The following SEMA4A variants were observed in gnomAD, a reference collection of about 807,000 sequenced individuals.
The protein encoded by SEMA4A is semaphorin-4A.
SEMA4A carries 52 observed loss-of-function variants against 72.5 expected under a neutral mutation model. The observed-to-expected ratio is 0.72, with a 90% confidence interval of 0.57 to 0.90. The LOEUF (loss-of-function observed/expected upper bound fraction) is 0.90, where lower values mean the gene tolerates loss of function less well. Among genes scored for constraint, SEMA4A ranks in the 40% least tolerant of loss-of-function variants. SEMA4A has a pLI of 0.00. For synonymous variants in SEMA4A, 369 were observed against 393.1 expected, an observed-to-expected ratio of 0.94 and a Z score of 0.73; for missense variants, 926 against 959.7, an observed-to-expected ratio of 0.96 and a Z score of 0.46.
intron 13 of SEMA4A, 117 bp from the exon 14 acceptor site, chr1:156,175,439 T>C: frequency 9.0e-7 from 1 of 1,106,486 alleles, no homozygotes. Context: ...CGTTCCTCTC[T>C]CTGTTCCTAG....
In SEMA4A at chr1:156,175,572, G is replaced by A. The variant is rs772930109; in HGVS notation, c.1609G>A (p.Asp537Asn). The change falls in exon 14 of 15, where the codon GAC becomes AAC. Residue 537 changes from aspartate to asparagine, a missense_variant. Coordinates refer to ENST00000368285, the MANE Select transcript of SEMA4A (RefSeq NM_022367.4). ...SAPNLNSWKQ[D>N]MERGNPEWAC... ...CTCTCTTAGGAACTCCTGGAAGCAGGACATGGAGCGGGGGAACCCAGAGTG... is the reference window on the plus strand; with the variant it reads ...CTCTCTTAGGAACTCCTGGAAGCAGAACATGGAGCGGGGGAACCCAGAGTG... The A allele has an allele frequency of 1.9e-6, 3 of 1,613,420 alleles. No homozygotes were observed. The highest frequency in any genetic ancestry group is 2.5e-6 in the Non-Finnish European group (3 of 1,179,704).
chr1:156,173,214 G>T (rs368683266), intron 11 of SEMA4A, among the ~76,000 whole-genome samples: 2 of 152,226 alleles, frequency 1.3e-5, no homozygotes, highest in Non-Finnish European at 2.9e-5. Context: ...TTCCTATGGT[G>T]GGGGAGGCAG....
intron 14 of SEMA4A, 59 bp downstream of exon 14, chr1:156,175,715 G>A: frequency 8.0e-7 from 1 of 1,244,754 alleles, no homozygotes; most frequent in Non-Finnish European, 1.2e-6. Context: ...TTTTGGGCAG[G>A]GGTGGGCATT....
Position 156,172,993 on chromosome 1 carries a change from G to A in SEMA4A, c.1302G>A (p.Met434Ile). The A allele has an allele frequency of 6.2e-7, 1 of 1,614,028 alleles. No individual in the cohort carries two copies. Reference protein sequence around the residue: ...QGLDGHSHLVMYLGTTTGSLH... With the variant: ...QGLDGHSHLVIYLGTTTGSLH... ...TTGATGGGCACAGCCATCTTGTCAT[G>A]TACCTGGGAACCAGTGAGTAAAGAG... Residue 434 changes from methionine to isoleucine, a missense_variant, in exon 11 of 15, where the codon ATG becomes ATA. Transcript: ENST00000368285.
chr1:156,173,423 G>GGTTTTGTTTTTTTTTTGGTTTT (rs1158611718), intron 11 of SEMA4A, among the ~76,000 whole-genome samples: 10 of 152,092 alleles, frequency 6.6e-5, no homozygotes, highest in African/African-American at 2.4e-4. Flanking sequence ...TGGGGTTCTT[G>GGTTTTGTTTTTTTTTTGGTTTT]GTTTTGTTTT....
intron 14 of SEMA4A, 75 bp from the exon 15 acceptor site, chr1:156,176,330 A>G (rs1655324530): frequency 2.7e-6 from 3 of 1,105,128 alleles, no homozygotes; most frequent in Non-Finnish European, 4.0e-6. Flanking sequence ...GGGTCCAAAG[A>G]TAGGTTAGAG....
intron 6 of SEMA4A, among the ~76,000 whole-genome samples, chr1:156,159,686 A>G (rs1260671390): frequency 6.6e-6 from 1 of 152,150 alleles, no homozygotes; most frequent in African/African-American, 2.4e-5. Context: ...AGGCGGGTGG[A>G]TCACTTGAGC....
intron 10 of SEMA4A, 200 bp downstream of exon 10, chr1:156,163,294 A>G: frequency 1.6e-6 from 1 of 620,004 alleles, no homozygotes; most frequent in Admixed American, 2.6e-5. Flanking sequence ...CAGTTGCTGG[A>G]GCCATCTCCC....
chr1:156,159,488 C>T (rs1313061339), intron 6 of SEMA4A, among the ~76,000 whole-genome samples: 2 of 152,086 alleles, frequency 1.3e-5, no homozygotes, highest in African/African-American at 4.8e-5. Flanking sequence ...TGTGGAGAGA[C>T]AGAGGCACGA....
intron 12 of SEMA4A, 40 bp from the exon 13 acceptor site, chr1:156,175,046 T>G: frequency 6.2e-7 from 1 of 1,614,156 alleles, no homozygotes; most frequent in Non-Finnish European, 8.5e-7. Flanking sequence ...CTTTACTAGA[T>G]GTGGCTGGGG....
chr1:156,165,713 T>C (rs1056444251), intron 10 of SEMA4A, among the ~76,000 whole-genome samples: 2 of 151,892 alleles, frequency 1.3e-5, no homozygotes, highest in Non-Finnish European at 2.9e-5. Flanking sequence ...TTATAGGCAG[T>C]GTACCTCACT....
At chr1:156,162,827 G>A in intron 9 of SEMA4A, 117 bp from the exon 10 acceptor site, 2 of 1,267,916 alleles carry the variant, frequency 1.6e-6, no homozygotes, top group Non-Finnish European at 2.3e-6. Flanking sequence ...GTAGCTGGAG[G>A]CTGGCCCAGC....
chr1:156,154,497 G>A (rs567379518), intron 1 of SEMA4A, 53 bp from the exon 2 acceptor site: 28 of 1,502,124 alleles, frequency 1.9e-5, no homozygotes, highest in Admixed American at 9.6e-5. Context: ...GTCCTCGGGG[G>A]GATGTGGTAA....
In SEMA4A at chr1:156,175,093, T is replaced by G. The variant is rs768160436; in HGVS notation, c.1442T>G (p.Val481Gly). 6.2e-7 allele frequency: 1 copy of G among 1,614,060 alleles called. No individual in the cohort carries two copies. The highest frequency in any genetic ancestry group is 8.5e-7 in the Non-Finnish European group (1 of 1,180,032). Reference protein sequence around the residue: ...NLQLAPTQGAVFVGFSGGVWR... With the variant: ...NLQLAPTQGAGFVGFSGGVWR... ...TCTCCATCTCTCTTCCAGGGTGCAG[T>G]GTTTGTAGGCTTCTCAGGAGGTGTC... The change falls in exon 13 of 15, where the codon GTG becomes GGG. Residue 481 changes from valine to glycine, a missense_variant. Transcript: ENST00000368285.
chr1:156,153,102 G>C (rs1275171228), upstream of SEMA4A, among the ~76,000 whole-genome samples: 1 of 152,140 alleles, frequency 6.6e-6, no homozygotes, highest in Non-Finnish European at 1.5e-5. Flanking sequence ...TGATGTCAAA[G>C]AGTGATGGAG....
chr1:156,157,053 T>C lies in SEMA4A; in HGVS notation c.300+479T>C, dbSNP rs1373974588. ...GGCCTGTGACTTCACTCTTCACTGG[T>C]ATTGTGAATAGTGATTGAATAATAT... On this transcript the variant is annotated intron_variant, in intron 3 of 14. Coordinates refer to ENST00000368285, the MANE Select transcript of SEMA4A (RefSeq NM_022367.4). The surrounding 1 kb of genome is among the most constrained non-coding windows in gnomAD (Gnocchi z 4.5). Among the ~76,000 whole-genome samples the C allele has an allele frequency of 1.3e-5, 2 of 152,172 alleles. No homozygotes were observed. The highest frequency in any genetic ancestry group is 2.4e-5 in the African/African-American group (1 of 41,440).
rs1315723772 is a variant in SEMA4A, at chr1:156,172,115, T to A, written c.1135-711T>A. Among the ~76,000 whole-genome samples the A allele has an allele frequency of 4.1e-5, 6 of 147,534 alleles. No homozygotes were observed. In the East Asian group the frequency reaches 1.2e-3, roughly 29 times the overall value. ...TTGTTTGTTTATTTATTTATTTATT[T>A]ATTTATTTATTTATTTATTTGAGAC... On this transcript the variant is annotated intron_variant, in intron 10 of 14. Transcript: ENST00000368285.
At chr1:156,171,463 C>T (rs548661637) in intron 10 of SEMA4A, among the ~76,000 whole-genome samples, 3 of 152,322 alleles carry the variant, frequency 2.0e-5, no homozygotes, top group Admixed American at 6.5e-5. Context: ...GCTACACCAC[C>T]CCTTTCTGTG....
intron 7 of SEMA4A, 113 bp from the exon 8 acceptor site, chr1:156,160,792 C>T: frequency 6.7e-7 from 1 of 1,501,702 alleles, no homozygotes; most frequent in Non-Finnish European, 9.2e-7. Flanking sequence ...AGCTGTGGGA[C>T]CCGAGGAAGC....
Sources: gnomAD v4.1 joint callset for allele counts (sites outside exome capture counted in the v4.1 genomes callset) on GRCh38, gnomAD v4.1.1 for gene constraint, Gnocchi (gnomAD v3.1) non-coding constraint, MANE v1.5 for transcripts, NCBI Gene and HGNC (gene_info 2026-07-23, HGNC 2026-07-21) for gene names.